Variants in CDKAL1 observed in about 807,000 individuals in gnomAD.
CDKAL1 encodes threonylcarbamoyladenosine tRNA methylthiotransferase.
A neutral mutation model predicts 68.2 loss-of-function variants in CDKAL1; 32 were observed. That is an observed-to-expected ratio of 0.47 (90% CI 0.35 to 0.63). The LOEUF (loss-of-function observed/expected upper bound fraction) is 0.63. Ranked by LOEUF, CDKAL1 falls within the 30% of genes least tolerant of loss-of-function variation. The pLI, the probability that CDKAL1 is intolerant of heterozygous loss-of-function variation, is 0.00. For missense variants in CDKAL1, 606 were observed against 696.7 expected, an observed-to-expected ratio of 0.87 and a Z score of 1.47; for synonymous variants, 234 against 244.3, an observed-to-expected ratio of 0.96 and a Z score of 0.39.
chr6:20,978,213 C>T (rs143222412), intron 10 of CDKAL1, among the ~76,000 whole-genome samples: 45 of 152,288 alleles, frequency 3.0e-4, no homozygotes, highest in African/African-American at 1.1e-3. Context: ...GCAGAGGTTC[C>T]GCTTTGGAGG....
intron 4 of CDKAL1, among the ~76,000 whole-genome samples, chr6:20,602,157 G>A (rs1189107044): frequency 1.3e-5 from 2 of 152,134 alleles, no homozygotes; most frequent in Non-Finnish European, 2.9e-5. Flanking sequence ...CAAAAACCAA[G>A]TCTTAAATAG....
chr6:20,753,595 G>C (rs1049872852), intron 6 of CDKAL1, among the ~76,000 whole-genome samples: 1 of 152,122 alleles, frequency 6.6e-6, no homozygotes, highest in Non-Finnish European at 1.5e-5. Flanking sequence ...ACAATGAAGC[G>C]ATGACCTAAT....
At chr6:20,812,543 C>T (rs1472535204) in intron 8 of CDKAL1, among the ~76,000 whole-genome samples, 4 of 152,190 alleles carry the variant, frequency 2.6e-5, no homozygotes, top group Non-Finnish European at 5.9e-5. Context: ...TCATTCTTCT[C>T]TGCATCCCCA....
At chr6:21,140,606 C>T (rs1023228025) in intron 13 of CDKAL1, among the ~76,000 whole-genome samples, 1 of 152,136 alleles carries the variant, frequency 6.6e-6, no homozygotes, top group African/African-American at 2.4e-5. Flanking sequence ...AGGGTTTGGT[C>T]GTTGCTAGTG....
chr6:21,003,275 G>C (rs1466069162), intron 11 of CDKAL1, among the ~76,000 whole-genome samples: 1 of 147,520 alleles, frequency 6.8e-6, no homozygotes, highest in Non-Finnish European at 1.5e-5. Flanking sequence ...GGAGGCTGAG[G>C]TGGGTGGATC....
At chr6:20,892,822 G>A (rs1268688381) in intron 9 of CDKAL1, among the ~76,000 whole-genome samples, 5 of 152,200 alleles carry the variant, frequency 3.3e-5, no homozygotes, top group Non-Finnish European at 7.3e-5. Flanking sequence ...TTTGGAAGCA[G>A]TTGCCTTAAG....
intron 13 of CDKAL1, among the ~76,000 whole-genome samples, chr6:21,161,100 G>C (rs1776907588): frequency 6.6e-6 from 1 of 152,042 alleles, no homozygotes; most frequent in Non-Finnish European, 1.5e-5. Context: ...CCCTGTTGCT[G>C]GTGACACCCA....
intron 5 of CDKAL1, among the ~76,000 whole-genome samples, chr6:20,701,191 A>G (rs1771337772): frequency 6.6e-6 from 1 of 151,812 alleles, no homozygotes; most frequent in African/African-American, 2.4e-5. Flanking sequence ...GCGACCCTGG[A>G]AAGCTGCAGT....
chr6:20,672,322 C>G (rs1232150938), intron 5 of CDKAL1, among the ~76,000 whole-genome samples: 10 of 150,502 alleles, frequency 6.6e-5, no homozygotes, highest in Middle Eastern at 3.4e-3. Flanking sequence ...CTCTCCGTCT[C>G]TTTCTCTCTC....
intron 4 of CDKAL1, among the ~76,000 whole-genome samples, chr6:20,625,854 ACT>A (rs1414029277): frequency 6.6e-6 from 1 of 151,788 alleles, no homozygotes; most frequent in Admixed American, 6.6e-5. Flanking sequence ...TAATTGGGAA[ACT>A]CTGCACCCCT....
chr6:21,201,907 A>G (rs576740030), intron 15 of CDKAL1, among the ~76,000 whole-genome samples: 3 of 151,946 alleles, frequency 2.0e-5, no homozygotes, highest in Non-Finnish European at 2.9e-5. Flanking sequence ...TGTGTATCAC[A>G]TTTCTAAGCA....
At chr6:21,015,340 T>A (rs766863386) in intron 11 of CDKAL1, among the ~76,000 whole-genome samples, 17 of 152,232 alleles carry the variant, frequency 1.1e-4, no homozygotes, top group Non-Finnish European at 2.4e-4. Flanking sequence ...TTTTCCTCAA[T>A]TATTATTTAA....
At chr6:20,622,136 G>A (rs987974703) in intron 4 of CDKAL1, among the ~76,000 whole-genome samples, 5 of 151,806 alleles carry the variant, frequency 3.3e-5, no homozygotes, top group Admixed American at 3.3e-4. Flanking sequence ...TAAGTTTATG[G>A]CAGCTTTATT....
rs1233596898 is a variant in CDKAL1, at chr6:21,231,547, C to T, written c.*508C>T. ...GTTCAAACGATTCTCCTGCCTCAGC[C>T]TCCCAAGTAGCTGGGATTACAGGCA... On this transcript the variant is annotated 3_prime_UTR_variant, in exon 16 of 16. Transcript: ENST00000274695. 1 of 152,364 alleles carries T rather than the reference C, an allele frequency of 6.6e-6. No homozygotes were observed. The highest frequency in any genetic ancestry group is 1.9e-4 in the East Asian group (1 of 5,198). The allele number at this position is 152,364 out of a possible 1,614,324, so 9.4% of individuals were successfully genotyped here. A position where few individuals can be genotyped will look rare whatever the true frequency, so the allele number is the denominator to read the frequency against.
intron 13 of CDKAL1, among the ~76,000 whole-genome samples, chr6:21,160,657 G>A (rs375625171): frequency 5.6e-4 from 56 of 99,432 alleles, no homozygotes; most frequent in African/African-American, 1.0e-3. Context: ...ACACACACAC[G>A]TGTGTGTGTG....
rs768711900 is a variant in CDKAL1 at position 21,178,544 on chromosome 6, ACCT to A, written c.1300-19476_1300-19474del. ...GTGTTAATTTTATCTTGCATATAAG[ACCT>A]TACTTGGAAAAAAGAGAGGATCACA... is the stretch of plus-strand genomic sequence containing the variant. On this transcript the variant is annotated intron_variant, in intron 13 of 15. Transcript: ENST00000274695. 1.6e-3 allele frequency among the ~76,000 whole-genome samples: 250 copies of A among 152,258 alleles called. 1 individual carries two copies. Among genetic ancestry groups the A allele is most frequent in the South Asian group, 6.2e-3 (30 of 4,826 alleles).
intron 11 of CDKAL1, among the ~76,000 whole-genome samples, chr6:21,041,192 A>G (rs963439817): frequency 3.9e-5 from 6 of 152,234 alleles, no homozygotes; most frequent in African/African-American, 1.2e-4. Flanking sequence ...ATTGACTTCT[A>G]TATACAACAC....
At chr6:20,653,320 T>G (rs62397618) in intron 5 of CDKAL1, among the ~76,000 whole-genome samples, 5,593 of 152,326 alleles carry the variant, frequency 0.037, 112 homozygotes, top group Middle Eastern at 0.068. Flanking sequence ...GATGTAGTAG[T>G]GTGCATTCTC....
At position 21,144,708 on chromosome 6, in the gene CDKAL1, G is replaced by A. The variant is rs936306111; in HGVS notation, c.1299+36245G>A. 5.9e-5 allele frequency among the ~76,000 whole-genome samples: 9 copies of A among 152,022 alleles called. No individual in the cohort carries two copies. The East Asian group carries it at 9.7e-4, about 16-fold the overall frequency. On this transcript the variant is annotated intron_variant, in intron 13 of 15. Coordinates refer to ENST00000274695, the MANE Select transcript of CDKAL1 (RefSeq NM_017774.3). ...CCAGCTACCTGGGAGGCTCAGGTAG[G>A]AGGATCACCTGAGCCCAGGAGGTGG...
Sources: gnomAD v4.1 joint callset for allele counts (sites outside exome capture counted in the v4.1 genomes callset) on GRCh38, gnomAD v4.1.1 for gene constraint, MANE v1.5 for transcripts, NCBI Gene and HGNC (gene_info 2026-07-23, HGNC 2026-07-21) for gene names.